The following NARS2 variants were observed in gnomAD, a reference collection of about 807,000 sequenced individuals.
NARS2 encodes the protein asparaginyl-tRNA synthetase 2, mitochondrial.
Under a neutral mutation model 62.9 loss-of-function variants are expected in NARS2, and 60 were observed. That is an observed-to-expected ratio of 0.95 (90% CI 0.77 to 1.18). The LOEUF (loss-of-function observed/expected upper bound fraction) is 1.18, where lower values mean the gene tolerates loss of function less well. NARS2 is among the 50% of genes most tolerant of loss of function. The probability of loss-of-function intolerance (pLI) is 0.00; values close to 1 mark genes in which losing one functional copy is unlikely to be tolerated. For missense variants in NARS2, 619 were observed against 576.4 expected (o/e 1.07, Z -0.76); for synonymous variants, 196 against 200.0 (o/e 0.98, Z 0.17).
rs190672535 is a variant in NARS2, at chr11:78,436,527, A to G, written c.*143T>C. ...CTTTCTAAGAAAATCACAACCACTTATATTTTTTCTATGATATCTTATGGC... is the reference window on the plus strand; with the variant it reads ...CTTTCTAAGAAAATCACAACCACTTGTATTTTTTCTATGATATCTTATGGC... On this transcript the variant is annotated 3_prime_UTR_variant, in exon 14 of 14. Coordinates refer to ENST00000281038, the MANE Select transcript of NARS2 (RefSeq NM_024678.6). 2.0e-6 allele frequency: 2 copies of G among 1,025,310 alleles called. No homozygotes were observed. The highest frequency in any genetic ancestry group is 2.8e-6 in the Non-Finnish European group (2 of 711,096). The allele number at this position is 1,025,310 out of a possible 1,614,324, so 63.5% of individuals were successfully genotyped here. A position where few individuals can be genotyped will look rare whatever the true frequency, so the allele number is the denominator to read the frequency against.
intron 6 of NARS2, among the ~76,000 whole-genome samples, chr11:78,502,855 G>T (rs550761318): frequency 3.4e-4 from 52 of 152,028 alleles, no homozygotes; most frequent in African/African-American, 1.2e-3. Context: ...TTAGCCAGGC[G>T]TGGTGGCATG....
chr11:78,572,426 A>G (rs576348513), intron 1 of NARS2, among the ~76,000 whole-genome samples: 1 of 152,304 alleles, frequency 6.6e-6, no homozygotes, highest in East Asian at 1.9e-4. Context: ...CGATTAGTAG[A>G]GTTGAGATTC....
In NARS2 at chr11:78,437,308, CTG is replaced by C. The variant is rs1243107003; in HGVS notation, c.1290-496_1290-495del. On this transcript the variant is annotated intron_variant, in intron 13 of 13. Transcript: ENST00000281038. ...ATTATAAGCTACAACAGGGCAGGAA[CTG>C]TGCTTCATTCAACTTTTTATCACCA... 2.6e-5 allele frequency among the ~76,000 whole-genome samples: 4 copies of C among 152,274 alleles called. No individual in the cohort carries two copies. In the East Asian group the frequency reaches 7.7e-4, roughly 29 times the overall value.
At chr11:78,503,948 G>A (rs1052629277) in intron 6 of NARS2, among the ~76,000 whole-genome samples, 1 of 152,128 alleles carries the variant, frequency 6.6e-6, no homozygotes, top group Non-Finnish European at 1.5e-5. Context: ...TAGGATCATG[G>A]GATGACCTAT....
chr11:78,551,859 A>C (rs1364096738), intron 5 of NARS2, among the ~76,000 whole-genome samples: 2 of 152,012 alleles, frequency 1.3e-5, no homozygotes, highest in African/African-American at 4.8e-5. Context: ...CTCAAAAAAA[A>C]ACAAAAAACA....
chr11:78,535,721 G>T lies in NARS2; in HGVS notation c.595-6785C>A, dbSNP rs6592789. On this transcript the variant is annotated intron_variant, in intron 5 of 13. Transcript: ENST00000281038. ...CTCAGCTCACCACAACCTCTGCCCC[G>T]CCAGGTTCAAGTGAGCCTCCCAAGT... Among the ~76,000 whole-genome samples, 4 of 151,610 alleles carry T rather than the reference G, an allele frequency of 2.6e-5. No individual in the cohort carries two copies. The East Asian group carries it at 7.8e-4, about 29-fold the overall frequency.
At chr11:78,494,832 C>T (rs768265386) in intron 6 of NARS2, among the ~76,000 whole-genome samples, 23 of 152,132 alleles carry the variant, frequency 1.5e-4, no homozygotes, top group Non-Finnish European at 2.9e-4. Context: ...ACAAAATGAA[C>T]AATCCTGCCT....
At chr11:78,505,313 C>G (rs1440598717) in intron 6 of NARS2, among the ~76,000 whole-genome samples, 1 of 118,038 alleles carries the variant, frequency 8.5e-6, no homozygotes, top group Non-Finnish European at 1.8e-5. Flanking sequence ...CACACACACA[C>G]ACACACACAC....
At chr11:78,457,616 A>G (rs112679577) in intron 11 of NARS2, among the ~76,000 whole-genome samples, 12 of 152,364 alleles carry the variant, frequency 7.9e-5, no homozygotes, top group African/African-American at 2.9e-4. Flanking sequence ...TATATACTCT[A>G]GTACTGCATA....
chr11:78,521,789 CAAAA>C (rs58282524), intron 6 of NARS2, among the ~76,000 whole-genome samples: 2 of 96,414 alleles, frequency 2.1e-5, no homozygotes, highest in Non-Finnish European at 3.7e-5. Context: ...GACTCCGTCT[CAAAA>C]AAAAAAAAAA....
intron 6 of NARS2, among the ~76,000 whole-genome samples, chr11:78,501,509 G>A (rs879886964): frequency 1.9e-4 from 29 of 152,036 alleles, no homozygotes; most frequent in Non-Finnish European, 3.8e-4. Context: ...ATTAGTTCAG[G>A]GCTCTACCTC....
chr11:78,563,341 C>T (rs1389411332), intron 4 of NARS2, among the ~76,000 whole-genome samples: 1 of 151,274 alleles, frequency 6.6e-6, no homozygotes, highest in East Asian at 2.0e-4. Flanking sequence ...CCTCAACCTC[C>T]CAAGTAGCTG....
At chr11:78,518,401 A>G (rs1860989865) in intron 6 of NARS2, among the ~76,000 whole-genome samples, 1 of 152,252 alleles carries the variant, frequency 6.6e-6, no homozygotes, top group African/African-American at 2.4e-5. Context: ...TTTAACTACT[A>G]CTTGCTAGTG....
rs558682592 is a variant in NARS2, at chr11:78,470,260, G to A, written c.960-947C>T. On this transcript the variant is annotated intron_variant, in intron 9 of 13. Coordinates refer to ENST00000281038, the MANE Select transcript of NARS2 (RefSeq NM_024678.6). ...ACCCTCATGCCTAAAGTAAGTCAAA[G>A]CAAGTATTTGTTTTAATTTAACTAT... Among the ~76,000 whole-genome samples, 6 of 152,190 alleles carry A rather than the reference G, an allele frequency of 3.9e-5. No homozygotes were observed. In the South Asian group the frequency reaches 1.2e-3, roughly 32 times the overall value.
rs143411765 is a variant in NARS2 at position 78,554,699 on chromosome 11, G to C, written c.594+4840C>G. On this transcript the variant is annotated intron_variant, in intron 5 of 13. Coordinates refer to ENST00000281038, the MANE Select transcript of NARS2 (RefSeq NM_024678.6). Reference sequence around the variant, plus strand: ...GAGGCTATGGCATTCTCTAGATATAGAATCATGTTGTCTGCAAACAGACAT... The same window carrying C: ...GAGGCTATGGCATTCTCTAGATATACAATCATGTTGTCTGCAAACAGACAT... Among the ~76,000 whole-genome samples, 765 of 152,266 alleles carry C rather than the reference G, an allele frequency of 5.0e-3. 4 individuals are homozygous for C. The highest frequency in any genetic ancestry group is 0.018 in the African/African-American group (742 of 41,546).
rs112663368 is a variant in NARS2, at chr11:78,488,566, C to T, written c.822+4497G>A. The stretch of plus-strand genomic sequence containing the variant: ...AAAATCCACTTTGGACTTCTCACCT[C>T]CAGAAGTATACAATAATAAATTCGA... On this transcript the variant is annotated intron_variant, in intron 7 of 13. Coordinates refer to ENST00000281038, the MANE Select transcript of NARS2 (RefSeq NM_024678.6). Among the ~76,000 whole-genome samples the T allele has an allele frequency of 8.7e-3, 1,318 of 152,200 alleles. 28 individuals are homozygous for T. The highest frequency in any genetic ancestry group is 0.031 in the African/African-American group (1,267 of 41,528).
intron 7 of NARS2, among the ~76,000 whole-genome samples, chr11:78,488,453 G>A (rs1174041980): frequency 3.9e-5 from 6 of 152,144 alleles, no homozygotes; most frequent in African/African-American, 1.4e-4. Flanking sequence ...GAAAATGGAA[G>A]AGGCAAGGGA....
intron 9 of NARS2, among the ~76,000 whole-genome samples, chr11:78,469,793 G>A (rs1858790761): frequency 6.6e-6 from 1 of 152,140 alleles, no homozygotes; most frequent in Non-Finnish European, 1.5e-5. Flanking sequence ...AGATGCAGGT[G>A]AGGAGAGAGT....
rs564459211 is a variant in NARS2 at position 78,462,162 on chromosome 11, A to T, written c.1164+3714T>A. ...TGACTGAAAGATGCTTAATCTAGGG[A>T]AATTAAATGAGAAAAATACATGGTG... On this transcript the variant is annotated intron_variant, in intron 11 of 13. Coordinates refer to ENST00000281038, the MANE Select transcript of NARS2 (RefSeq NM_024678.6). 3.9e-5 allele frequency among the ~76,000 whole-genome samples: 6 copies of T among 152,332 alleles called. 1 individual carries two copies. In the South Asian group the frequency reaches 1.2e-3, roughly 32 times the overall value.
Sources: gnomAD v4.1 joint callset for allele counts (sites outside exome capture counted in the v4.1 genomes callset) on GRCh38, gnomAD v4.1.1 for gene constraint, MANE v1.5 for transcripts, NCBI Gene and HGNC (gene_info 2026-07-23, HGNC 2026-07-21) for gene names.